The following SLC24A3 variants were observed in gnomAD, a reference collection of about 807,000 sequenced individuals.
The protein encoded by SLC24A3 is sodium/potassium/calcium exchanger 3.
Under a neutral mutation model 75.8 loss-of-function variants are expected in SLC24A3, and 28 were observed. That is an observed-to-expected ratio of 0.37 (90% confidence interval 0.27 to 0.51). The LOEUF (loss-of-function observed/expected upper bound fraction) is 0.51, where lower values mean the gene tolerates loss of function less well. SLC24A3 is among the 20% of genes least tolerant of loss of function. The probability of loss-of-function intolerance (pLI) is 0.94; values close to 1 mark genes in which losing one functional copy is unlikely to be tolerated. For synonymous variants in SLC24A3, 372 were observed against 334.1 expected, an observed-to-expected ratio of 1.11 and a Z score of -1.24; for missense variants, 663 against 847.8, an observed-to-expected ratio of 0.78 and a Z score of 2.71.
chr20:19,351,552 T>G (rs1461054611), intron 2 of SLC24A3, among the ~76,000 whole-genome samples: 1 of 152,196 alleles, frequency 6.6e-6, no homozygotes, highest in African/African-American at 2.4e-5. Context: ...GTGATTAAGC[T>G]TCCCATGGGC....
chr20:19,346,063 CTA>C (rs763603062), intron 2 of SLC24A3, among the ~76,000 whole-genome samples: 1,581 of 21,148 alleles, frequency 0.075, 38 homozygotes, highest in Non-Finnish European at 0.11. Flanking sequence ...ATAAAGAAAA[CTA>C]TATATATATA....
At chr20:19,215,047 T>C (rs1318142810) in intron 1 of SLC24A3, among the ~76,000 whole-genome samples, 5 of 152,138 alleles carry the variant, frequency 3.3e-5, no homozygotes, top group Non-Finnish European at 7.4e-5. Context: ...CGTTAGGTAT[T>C]GATGATTTTG....
intron 6 of SLC24A3, among the ~76,000 whole-genome samples, chr20:19,639,932 G>A (rs1040232658): frequency 2.0e-5 from 3 of 152,256 alleles, no homozygotes; most frequent in South Asian, 4.1e-4. Context: ...CTCCGAGTGC[G>A]GGGGCTGCCA....
intron 6 of SLC24A3, among the ~76,000 whole-genome samples, chr20:19,606,777 A>G (rs1247610110): frequency 6.6e-6 from 1 of 152,190 alleles, no homozygotes; most frequent in Admixed American, 6.5e-5. Flanking sequence ...CCAATCCCTC[A>G]TTTTGCAGGT....
At chr20:19,509,218 C>T (rs906964759) in intron 2 of SLC24A3, among the ~76,000 whole-genome samples, 7 of 152,162 alleles carry the variant, frequency 4.6e-5, no homozygotes, top group African/African-American at 1.2e-4. Context: ...GATCTGGACC[C>T]GAGCCTGATT....
Position 19,536,981 on chromosome 20 carries a change from A to C in SLC24A3, c.348+21417A>C, listed in dbSNP as rs187546313. ...ACAGGCATGGGCAATGACTTCATGT[A>C]TAAAACACCAAAAGCAATGGCAACA... On this transcript the variant is annotated intron_variant, in intron 3 of 16. Transcript: ENST00000328041. Among the ~76,000 whole-genome samples the C allele has an allele frequency of 9.8e-5, 15 of 152,324 alleles. No individual in the cohort carries two copies. The East Asian group carries it at 2.1e-3, about 22-fold the overall frequency.
At chr20:19,406,426 T>C (rs1238800066) in intron 2 of SLC24A3, among the ~76,000 whole-genome samples, 1 of 152,192 alleles carries the variant, frequency 6.6e-6, no homozygotes. Context: ...CTCTTTTCTT[T>C]AATGTCCATG....
chr20:19,246,110 C>A (rs575598485), intron 1 of SLC24A3, among the ~76,000 whole-genome samples: 2 of 152,172 alleles, frequency 1.3e-5, no homozygotes, highest in South Asian at 4.1e-4. Flanking sequence ...CAAAAAATGT[C>A]ATTGAATCAA....
At chr20:19,277,338 A>T (rs2122218715) in intron 1 of SLC24A3, among the ~76,000 whole-genome samples, 1 of 152,354 alleles carries the variant, frequency 6.6e-6, no homozygotes, top group South Asian at 2.1e-4. Context: ...CATCACAGAC[A>T]TTCAGTGAAT....
chr20:19,653,017 G>A (rs1307794059), intron 6 of SLC24A3, among the ~76,000 whole-genome samples: 2 of 152,208 alleles, frequency 1.3e-5, no homozygotes, highest in Non-Finnish European at 2.9e-5. Flanking sequence ...CTTGGAACAA[G>A]GTGTGTGGAC....
rs558037463 is a variant in SLC24A3, at chr20:19,556,212, G to A, written c.349-23788G>A. Among the ~76,000 whole-genome samples the A allele has an allele frequency of 1.2e-3, 189 of 152,174 alleles. 1 individual carries two copies. The highest frequency in any genetic ancestry group is 4.4e-3 in the African/African-American group (181 of 41,510). On this transcript the variant is annotated intron_variant, in intron 3 of 16. Coordinates refer to ENST00000328041, the MANE Select transcript of SLC24A3 (RefSeq NM_020689.4). The stretch of plus-strand genomic sequence containing the variant: ...TTAGGTTTCAACATATAAATTTGGG[G>A]GGGACATACACATTCAGACCATTAG...
rs75893663 is a variant in SLC24A3, at chr20:19,322,637, T to C, written c.271+41550T>C. Among the ~76,000 whole-genome samples, 305 of 152,278 alleles carry C rather than the reference T, an allele frequency of 2.0e-3. 1 individual carries two copies. Among genetic ancestry groups the C allele is most frequent in the African/African-American group, 7.1e-3 (297 of 41,568 alleles). Reference sequence around the variant, plus strand: ...CTTGTTCTGTGAAATTTAGTTAGGTTATAACAGTCTATCTTGTAATTATCG... The same window carrying C: ...CTTGTTCTGTGAAATTTAGTTAGGTCATAACAGTCTATCTTGTAATTATCG... On this transcript the variant is annotated intron_variant, in intron 2 of 16. Coordinates refer to ENST00000328041, the MANE Select transcript of SLC24A3 (RefSeq NM_020689.4).
chr20:19,552,945 G>A (rs1330774785), intron 3 of SLC24A3, among the ~76,000 whole-genome samples: 1 of 152,044 alleles, frequency 6.6e-6, no homozygotes, highest in Non-Finnish European at 1.5e-5. Flanking sequence ...TGTGCAGTGC[G>A]GGCCTGTGAT....
At chr20:19,585,287 T>C (rs554711599) in intron 5 of SLC24A3, among the ~76,000 whole-genome samples, 154 bp from the exon 6 acceptor site, 2 of 152,330 alleles carry the variant, frequency 1.3e-5, no homozygotes, top group South Asian at 4.1e-4. Context: ...CCTGTGCAGC[T>C]ATCATCCCTC....
At position 19,264,745 on chromosome 20, in the gene SLC24A3, AC is replaced by A. The variant is rs1351354500; in HGVS notation, c.143-16213del. 1.5e-3 allele frequency among the ~76,000 whole-genome samples: 221 copies of A among 146,486 alleles called. 5 individuals carry two copies. In the South Asian group the frequency reaches 0.046, roughly 31 times the overall value. ...CTCCATCTCAAAAAAAAAAAAAAAA[AC>A]AAAACAAAAACGTGCAGCCTGGACT... On this transcript the variant is annotated intron_variant, in intron 1 of 16. Transcript: ENST00000328041.
At position 19,594,996 on chromosome 20, in the gene SLC24A3, G is replaced by C. The variant is rs554353391; in HGVS notation, c.612+9452G>C. On this transcript the variant is annotated intron_variant, in intron 6 of 16. Transcript: ENST00000328041. ...AAAATGTAGACTCTGATTTGGTGCA[G>C]TTTTGAACATGAGTCACTCTCTGAG... Among the ~76,000 whole-genome samples, 38 of 152,202 alleles carry C rather than the reference G, an allele frequency of 2.5e-4. 1 individual carries two copies. Among genetic ancestry groups the C allele is most frequent in the Admixed American group, 1.9e-3 (29 of 15,284 alleles).
chr20:19,372,519 T>C (rs1034915210), intron 2 of SLC24A3, among the ~76,000 whole-genome samples: 11 of 152,308 alleles, frequency 7.2e-5, no homozygotes, highest in African/African-American at 2.6e-4. Context: ...CTTGACCTTA[T>C]TAGCACTATC....
chr20:19,660,366 C>G (rs1468683121), intron 7 of SLC24A3, among the ~76,000 whole-genome samples: 1 of 151,968 alleles, frequency 6.6e-6, no homozygotes, highest in Admixed American at 6.6e-5. Context: ...TTAGCTCCCA[C>G]TTATAAGTGA....
intron 3 of SLC24A3, among the ~76,000 whole-genome samples, chr20:19,531,618 G>A (rs779485650): frequency 6.6e-6 from 1 of 152,208 alleles, no homozygotes; most frequent in Non-Finnish European, 1.5e-5. Flanking sequence ...TTGTATTGTG[G>A]TTAGCCAGTG....
Sources: gnomAD v4.1 joint callset for allele counts (sites outside exome capture counted in the v4.1 genomes callset) on GRCh38, gnomAD v4.1.1 for gene constraint, MANE v1.5 for transcripts, NCBI Gene and HGNC (gene_info 2026-07-23, HGNC 2026-07-21) for gene names.